The following MESD variants were observed in gnomAD, a reference collection of about 807,000 sequenced individuals.
The protein encoded by MESD is mesoderm development LRP chaperone, also known as LRP chaperone MESD.
MESD carries 7 observed loss-of-function variants against 12.9 expected under a neutral mutation model. That is an observed-to-expected ratio of 0.54 (90% CI 0.31 to 1.02). The LOEUF (loss-of-function observed/expected upper bound fraction) is 1.02. Among genes scored for constraint, MESD ranks in the 50% least tolerant of loss-of-function variants. The pLI is 0.05. For synonymous variants in MESD, 126 were observed against 115.6 expected, an observed-to-expected ratio of 1.09 and a Z score of -0.58; for missense variants, 342 against 296.7, an observed-to-expected ratio of 1.15 and a Z score of -1.12.
At chr15:80,973,210 G>C (rs982296450), downstream of MESD, among the ~76,000 whole-genome samples, 6 of 152,140 alleles carry the variant, frequency 3.9e-5, no homozygotes, top group African/African-American at 1.4e-4. Context: ...GATGGTAAAT[G>C]AATTTCTTCC....
chr15:80,950,715 A>G (rs535660056), intron 4 of MESD: 1 of 152,844 alleles, frequency 6.5e-6, no homozygotes, highest in South Asian at 2.1e-4. Flanking sequence ...CTGCTGCTTA[A>G]TGCCCTGCTC....
intron 4 of MESD, chr15:80,951,527 G>A (rs1347306569): frequency 6.6e-6 from 1 of 152,652 alleles, no homozygotes; most frequent in African/African-American, 2.4e-5. Flanking sequence ...TCGGGAGTTA[G>A]ATGTATAGAG....
chr15:80,988,181 C>T (rs1661088334), intron 1 of MESD, among the ~76,000 whole-genome samples: 1 of 152,188 alleles, frequency 6.6e-6, no homozygotes, highest in Admixed American at 6.5e-5. Context: ...ACTCAGCTAG[C>T]TTGCTGTGCG....
At chr15:80,951,690 A>T (rs1901836995) in intron 4 of MESD, 1 of 152,580 alleles carries the variant, frequency 6.6e-6, no homozygotes, top group Non-Finnish European at 1.5e-5. Context: ...ATTGCTTGGA[A>T]GGGGTGTACC....
At chr15:80,955,260 C>T (rs1426413837) in intron 3 of MESD, among the ~76,000 whole-genome samples, 33 of 149,468 alleles carry the variant, frequency 2.2e-4, no homozygotes, top group African/African-American at 7.7e-4. Flanking sequence ...CCGAGGCGGG[C>T]GGATCACGAG....
downstream of MESD, among the ~76,000 whole-genome samples, chr15:80,972,080 C>G (rs778624912): frequency 2.1e-4 from 32 of 152,098 alleles, no homozygotes; most frequent in Non-Finnish European, 4.1e-4. Context: ...AGCACAGATA[C>G]AGGCCCGGTG....
Position 80,989,612 on chromosome 15 carries a change from A to G in MESD, c.180T>C (p.Asp60=). ...KKKKDIRDYN[D]ADMARLLEQW... is the part of the protein sequence containing the mutation. ...GCTCCAGAAGACGCGCCATGTCTGC[A>G]TCATTGTAATCGCGAATATCCTTCT... Residue 60 remains aspartate, a synonymous_variant, in exon 1 of 3, where the codon GAT becomes GAC. Transcript: ENST00000261758. 2 of 1,613,966 alleles carry G rather than the reference A, an allele frequency of 1.2e-6. No individual in the cohort carries two copies. The highest frequency in any genetic ancestry group is 1.7e-6 in the Non-Finnish European group (2 of 1,179,972).
chr15:80,979,457 C>G lies in MESD; in HGVS notation c.467G>C (p.Arg156Pro). ...DVQRFIVGSD[R>P]AIFMLRDGSY... is the part of the protein sequence containing the mutation. ...CCCATCGCGAAGCATGAAGATAGCA[C>G]GGTCTGATCCCACAATGAACCTTGG... The change falls in exon 3 of 3, where the codon CGT becomes CCT. Residue 156 changes from arginine (R) to proline (P), a missense_variant. By Grantham distance (103) the Arg-to-Pro change is moderately radical (BLOSUM62 -2). Transcript: ENST00000261758. 1 of 1,614,182 alleles carries G rather than the reference C, an allele frequency of 6.2e-7. No homozygotes were observed. Among genetic ancestry groups the G allele is most frequent in the Non-Finnish European group, 8.5e-7 (1 of 1,180,018 alleles).
intron 2 of MESD, among the ~76,000 whole-genome samples, chr15:80,981,353 C>T (rs1440653069): frequency 6.9e-6 from 1 of 144,790 alleles, no homozygotes; most frequent in South Asian, 2.3e-4. Context: ...AGGAGAATGG[C>T]GTGAACCGGG....
At chr15:80,947,599 GAA>G in exon 5 of MESD, 1 of 157,368 alleles carries the variant, frequency 6.4e-6, no homozygotes, top group Non-Finnish European at 1.4e-5. Flanking sequence ...TGTGCTGGAA[GAA>G]GCCATCCAGG....
intron 3 of MESD, among the ~76,000 whole-genome samples, chr15:80,961,925 G>C (rs894261007): frequency 6.6e-6 from 1 of 152,160 alleles, no homozygotes; most frequent in African/African-American, 2.4e-5. Flanking sequence ...TGAAGAAACT[G>C]CATCAATTAA....
intron 3 of MESD, among the ~76,000 whole-genome samples, chr15:80,961,487 T>G (rs866023746): frequency 6.6e-5 from 10 of 152,192 alleles, no homozygotes; most frequent in Admixed American, 2.6e-4. Context: ...ACAGAAGAAA[T>G]GAATGCTCCT....
downstream of MESD, chr15:80,946,670 C>T: frequency 4.7e-6 from 2 of 426,216 alleles, no homozygotes; most frequent in Non-Finnish European, 8.8e-6. Context: ...TGCTTACATC[C>T]TCTCCTCTGT....
At chr15:80,987,053 C>A (rs1215277587) in intron 1 of MESD, among the ~76,000 whole-genome samples, 3 of 152,252 alleles carry the variant, frequency 2.0e-5, no homozygotes, top group African/African-American at 7.2e-5. Context: ...ATCCCTCCAA[C>A]TGCCTCTTCC....
At chr15:80,963,940 C>A (rs1902131767) in intron 3 of MESD, among the ~76,000 whole-genome samples, 1 of 152,178 alleles carries the variant, frequency 6.6e-6, no homozygotes, top group Non-Finnish European at 1.5e-5. Flanking sequence ...CCCTCTTTCA[C>A]CACTCCTATT....
At chr15:80,985,331 A>C (rs1254378228) in intron 1 of MESD, among the ~76,000 whole-genome samples, 1 of 152,098 alleles carries the variant, frequency 6.6e-6, no homozygotes. Flanking sequence ...TTGGGGATGT[A>C]ATGACTTAAA....
chr15:80,955,490 A>AC (rs1236686276), intron 3 of MESD, among the ~76,000 whole-genome samples: 1 of 149,590 alleles, frequency 6.7e-6, no homozygotes, highest in African/African-American at 2.5e-5. Context: ...TCCGTCTCAA[A>AC]AAAAAAAAAA....
At chr15:80,982,677 G>C (rs977001971) in intron 1 of MESD, among the ~76,000 whole-genome samples, 1 of 152,214 alleles carries the variant, frequency 6.6e-6, no homozygotes, top group African/African-American at 2.4e-5. Context: ...CTGTAGAAGG[G>C]GGGACAAGGG....
exon 5 of MESD, chr15:80,948,674 G>C: frequency 3.1e-6 from 4 of 1,280,814 alleles, no homozygotes; most frequent in African/African-American, 1.5e-5. Flanking sequence ...AGGGGCCACA[G>C]TGCAGTGTGG....
Sources: gnomAD v4.1 joint callset for allele counts (sites outside exome capture counted in the v4.1 genomes callset) on GRCh38, gnomAD v4.1.1 for gene constraint, MANE v1.5 for transcripts, NCBI Gene and HGNC (gene_info 2026-07-23, HGNC 2026-07-21) for gene names.